The following AFG2A variants were observed in gnomAD, a reference collection of about 807,000 sequenced individuals.
AFG2A encodes the protein AAA ATPase AFG2A, also known as ATPase family gene 2 protein homolog A.
At chr4:123,177,722 C>G in the AFG2A span, among the ~76,000 whole-genome samples, 1 of 152,180 alleles carries the variant, frequency 6.6e-6, no homozygotes, top group Admixed American at 6.5e-5. Flanking sequence ...TTCTGCTCAG[C>G]TCTTCCAACG....
chr4:123,206,661 G>C, the AFG2A span, among the ~76,000 whole-genome samples: 3 of 152,150 alleles, frequency 2.0e-5, no homozygotes, highest in Non-Finnish European at 4.4e-5. Context: ...TTTCGATCCA[G>C]TGTCTTCTTT....
At chr4:123,174,037 A>C in the AFG2A span, among the ~76,000 whole-genome samples, 1 of 152,208 alleles carries the variant, frequency 6.6e-6, no homozygotes, top group Admixed American at 6.5e-5. Context: ...AAACTAAAAT[A>C]GATAAAATAG....
chr4:123,079,231 C>T, the AFG2A span, among the ~76,000 whole-genome samples: 1 of 152,222 alleles, frequency 6.6e-6, no homozygotes, highest in Non-Finnish European at 1.5e-5. Context: ...CAGTCTTCCT[C>T]CTGCCATGCC....
the AFG2A span, among the ~76,000 whole-genome samples, chr4:123,279,310 T>G: frequency 2.0e-5 from 3 of 151,608 alleles, no homozygotes; most frequent in Admixed American, 6.6e-5. Context: ...CAGCTGAGGC[T>G]GGGGCAAGGA....
the AFG2A span, among the ~76,000 whole-genome samples, chr4:123,200,228 A>C: frequency 6.6e-6 from 1 of 152,330 alleles, no homozygotes; most frequent in South Asian, 2.1e-4. Flanking sequence ...GAATAAACTG[A>C]ATATGTAAAA....
the AFG2A span, among the ~76,000 whole-genome samples, chr4:122,972,601 A>G: frequency 6.6e-6 from 1 of 151,334 alleles, no homozygotes; most frequent in African/African-American, 2.4e-5. Context: ...CAGTAGCAGC[A>G]TCCTACAGAT....
the AFG2A span, among the ~76,000 whole-genome samples, chr4:123,127,575 G>A: frequency 6.6e-6 from 1 of 152,018 alleles, no homozygotes; most frequent in Admixed American, 6.5e-5. Context: ...TTAAATAAAA[G>A]GAATTAATTT....
chr4:123,100,069 G>GTT, the AFG2A span, among the ~76,000 whole-genome samples: 11 of 151,450 alleles, frequency 7.3e-5, no homozygotes, highest in Non-Finnish European at 7.4e-5. Flanking sequence ...AAGAAATTTG[G>GTT]TTTTTCAAGA....
At chr4:123,038,900 G>A in the AFG2A span, among the ~76,000 whole-genome samples, 1 of 152,040 alleles carries the variant, frequency 6.6e-6, no homozygotes, top group Non-Finnish European at 1.5e-5. Flanking sequence ...GCAGTGGAGT[G>A]ACCCTTCAAT....
At chr4:123,151,970 C>A in the AFG2A span, among the ~76,000 whole-genome samples, 1 of 152,106 alleles carries the variant, frequency 6.6e-6, no homozygotes, top group Non-Finnish European at 1.5e-5. Context: ...AGTTCATGTC[C>A]TTTGTAGGGA....
At chr4:123,101,696 G>T in the AFG2A span, among the ~76,000 whole-genome samples, 3 of 151,856 alleles carry the variant, frequency 2.0e-5, no homozygotes, top group African/African-American at 7.2e-5. Flanking sequence ...CCAAACCTTA[G>T]TATTTCTGGA....
chr4:123,165,988 T>C, the AFG2A span, among the ~76,000 whole-genome samples: 1 of 152,184 alleles, frequency 6.6e-6, no homozygotes, highest in Non-Finnish European at 1.5e-5. Context: ...ATGCCTGATA[T>C]TTTTGGCTTC....
At chr4:123,085,965 T>TA in the AFG2A span, among the ~76,000 whole-genome samples, 3 of 151,952 alleles carry the variant, frequency 2.0e-5, no homozygotes, top group African/African-American at 7.2e-5. Context: ...TACCTTATAA[T>TA]AAAAAAAATT....
chr4:122,972,073 AAATT>A, the AFG2A span, among the ~76,000 whole-genome samples: 1 of 152,164 alleles, frequency 6.6e-6, no homozygotes, highest in Non-Finnish European at 1.5e-5. Context: ...AATTTTTTAA[AAATT>A]AATGTCATAT....
At chr4:122,959,779 A>T in the AFG2A span, among the ~76,000 whole-genome samples, 1 of 152,168 alleles carries the variant, frequency 6.6e-6, no homozygotes, top group Non-Finnish European at 1.5e-5. Flanking sequence ...ACTTTGTGAG[A>T]GTGATAATGC....
At chr4:123,096,525 C>T in the AFG2A span, among the ~76,000 whole-genome samples, 3 of 151,988 alleles carry the variant, frequency 2.0e-5, no homozygotes, top group Non-Finnish European at 4.4e-5. Context: ...AAAACATGAT[C>T]ATGTCTTCTT....
At chr4:123,009,860 A>G in the AFG2A span, among the ~76,000 whole-genome samples, 1 of 152,212 alleles carries the variant, frequency 6.6e-6, no homozygotes, top group African/African-American at 2.4e-5. Context: ...CTGGCCCTTC[A>G]GAAATACTTA....
the AFG2A span, among the ~76,000 whole-genome samples, chr4:123,060,753 A>G: frequency 6.6e-6 from 1 of 152,162 alleles, no homozygotes; most frequent in Non-Finnish European, 1.5e-5. Context: ...TGGCATTAGC[A>G]TTTGGTTCCT....
the AFG2A span, among the ~76,000 whole-genome samples, chr4:123,229,005 A>G: frequency 2.0e-5 from 3 of 151,992 alleles, no homozygotes; most frequent in African/African-American, 7.2e-5. Context: ...TATGGAGCTT[A>G]TAAATGTCTA....
Sources: allele counts gnomAD v4.1 joint callset (sites outside exome capture counted in the v4.1 genomes callset), GRCh38; gene constraint gnomAD v4.1.1; transcripts MANE v1.5; gene names NCBI Gene and HGNC (gene_info 2026-07-23, HGNC 2026-07-21).